OR51B5: variants seen among roughly 807,000 people sequenced by gnomAD.
OR51B5 encodes the protein olfactory receptor family 51 subfamily B member 5.
For synonymous variants in OR51B5, 186 were observed against 144.8 expected (o/e 1.28, Z -2.04); for missense variants, 456 against 374.6 (o/e 1.22, Z -1.79).
intron 1 of OR51B5, among the ~76,000 whole-genome samples, chr11:5,353,242 T>G (rs146630318): frequency 6.6e-6 from 1 of 152,186 alleles, no homozygotes; most frequent in African/African-American, 2.4e-5. Flanking sequence ...GTTAAAACTT[T>G]GGTTAACATT....
At chr11:5,351,958 G>A in intron 1 of OR51B5, 1 of 1,612,914 alleles carries the variant, frequency 6.2e-7, no homozygotes, top group Non-Finnish European at 8.5e-7. Context: ...GACAAGGGCT[G>A]GTCTGTCCAT....
intron 1 of OR51B5, among the ~76,000 whole-genome samples, chr11:5,349,887 C>G (rs902686418): frequency 1.3e-5 from 2 of 152,122 alleles, no homozygotes; most frequent in African/African-American, 4.8e-5. Flanking sequence ...TCTCCTTTCC[C>G]TTTCCCACCC....
intron 1 of OR51B5, among the ~76,000 whole-genome samples, chr11:5,372,960 T>C (rs1254684956): frequency 6.6e-6 from 1 of 152,100 alleles, no homozygotes; most frequent in African/African-American, 2.4e-5. Flanking sequence ...TATGGTACTA[T>C]CACATAAATA....
At chr11:5,453,584 C>T (rs201440151) in intron 1 of OR51B5, 41 of 1,612,958 alleles carry the variant, frequency 2.5e-5, no homozygotes, top group South Asian at 9.9e-5. Flanking sequence ...GGCCCCTCTG[C>T]GTGATGTATG....
intron 1 of OR51B5, among the ~76,000 whole-genome samples, chr11:5,377,723 A>G (rs1411521145): frequency 6.6e-6 from 1 of 152,058 alleles, no homozygotes; most frequent in Non-Finnish European, 1.5e-5. Context: ...TGCTTCAAAG[A>G]GAATAAAATA....
chr11:5,403,285 T>C (rs1032002750), intron 1 of OR51B5: 8 of 471,540 alleles, frequency 1.7e-5, no homozygotes, highest in African/African-American at 1.4e-4. Context: ...GTATTGGGTA[T>C]TGCCACTGGA....
chr11:5,368,215 T>G (rs1849401215), intron 1 of OR51B5, among the ~76,000 whole-genome samples: 3 of 152,234 alleles, frequency 2.0e-5, no homozygotes. Context: ...TATTGTTTCA[T>G]GCTTCTTCAT....
At chr11:5,362,644 C>A in intron 1 of OR51B5, 1 of 187,348 alleles carries the variant, frequency 5.3e-6, no homozygotes, top group African/African-American at 2.4e-5. Flanking sequence ...GCAGATACAA[C>A]AGCCCGGTCA....
At chr11:5,383,236 A>G (rs755735652) in intron 1 of OR51B5, among the ~76,000 whole-genome samples, 14 of 152,226 alleles carry the variant, frequency 9.2e-5, no homozygotes, top group Non-Finnish European at 2.1e-4. Context: ...AGCCTGAGAC[A>G]CTGACCTGGA....
intron 1 of OR51B5, among the ~76,000 whole-genome samples, chr11:5,476,421 G>A (rs1851306656): frequency 6.6e-6 from 1 of 152,208 alleles, no homozygotes; most frequent in Non-Finnish European, 1.5e-5. Flanking sequence ...GGGGCACTCA[G>A]AGGGTAAATG....
intron 1 of OR51B5, chr11:5,441,287 G>C: frequency 6.2e-7 from 1 of 1,613,882 alleles, no homozygotes; most frequent in Middle Eastern, 1.6e-4. Context: ...GTGTAGAAAA[G>C]GACACTCCCA....
chr11:5,370,468 T>G (rs1849430844), intron 1 of OR51B5, among the ~76,000 whole-genome samples: 1 of 152,192 alleles, frequency 6.6e-6, no homozygotes, highest in Non-Finnish European at 1.5e-5. Flanking sequence ...TCTGTCCAAT[T>G]TGAGGGCAAT....
At chr11:5,393,090 C>A (rs986346007) in intron 1 of OR51B5, 2 of 152,170 alleles carry the variant, frequency 1.3e-5, no homozygotes, top group Non-Finnish European at 2.9e-5. Context: ...TTCTAAAAAT[C>A]TGTCCTAAAT....
chr11:5,400,906 G>A (rs1849958016), intron 1 of OR51B5, among the ~76,000 whole-genome samples: 1 of 152,196 alleles, frequency 6.6e-6, no homozygotes, highest in African/African-American at 2.4e-5. Context: ...GTGGCTGAAT[G>A]GAAAGTTCAT....
At chr11:5,447,863 A>G (rs1272556870) in intron 1 of OR51B5, among the ~76,000 whole-genome samples, 2 of 152,142 alleles carry the variant, frequency 1.3e-5, no homozygotes, top group Non-Finnish European at 2.9e-5. Flanking sequence ...ATGCCCTCTT[A>G]AAGACCTCAG....
chr11:5,431,244 C>T (rs1015842222), intron 1 of OR51B5: 1 of 335,934 alleles, frequency 3.0e-6, no homozygotes, highest in East Asian at 7.6e-5. Flanking sequence ...GGTCATAGCT[C>T]ATGGCTAGTA....
chr11:5,344,414 A>G (rs1005342978), upstream of OR51B5, among the ~76,000 whole-genome samples: 1 of 127,238 alleles, frequency 7.9e-6, no homozygotes, highest in Non-Finnish European at 1.8e-5. Context: ...CAAGTTCTCC[A>G]TTTATATTTA....
At chr11:5,489,472 A>G (rs200524642) in intron 1 of OR51B5, 102 of 1,613,966 alleles carry the variant, frequency 6.3e-5, no homozygotes, top group Admixed American at 3.7e-4. Flanking sequence ...GGTTTTCTAC[A>G]TCCCTGCCTT....
intron 1 of OR51B5, chr11:5,488,881 C>A: frequency 6.2e-7 from 1 of 1,614,072 alleles, no homozygotes; most frequent in Non-Finnish European, 8.5e-7. Flanking sequence ...CAATGCTCTT[C>A]ATGCACCTAT....
Sources: allele counts gnomAD v4.1 joint callset (sites outside exome capture counted in the v4.1 genomes callset), GRCh38; gene constraint gnomAD v4.1.1; transcripts MANE v1.5; gene names NCBI Gene and HGNC (gene_info 2026-07-23, HGNC 2026-07-21).